Variants in CIMIP2C observed in about 807,000 individuals in gnomAD.
CIMIP2C encodes ciliary microtubule inner protein 2C.
chr2:26,564,869 G>A, the CIMIP2C span, among the ~76,000 whole-genome samples: 1 of 152,148 alleles, frequency 6.6e-6, no homozygotes, highest in Admixed American at 6.5e-5. Context: ...TGGTCACTGA[G>A]GTGTGGGGGG....
At chr2:26,574,114 G>T in the CIMIP2C span, among the ~76,000 whole-genome samples, 3 of 152,382 alleles carry the variant, frequency 2.0e-5, no homozygotes, top group South Asian at 4.1e-4. Flanking sequence ...GGTGAGAGTA[G>T]GGGACGGAGT....
At chr2:26,572,760 C>T in the CIMIP2C span, among the ~76,000 whole-genome samples, 1 of 152,188 alleles carries the variant, frequency 6.6e-6, no homozygotes, top group South Asian at 2.1e-4. Flanking sequence ...GTCCATCTAA[C>T]ACCTAAGGCT....
chr2:26,574,611 G>A, the CIMIP2C span, among the ~76,000 whole-genome samples: 11 of 152,252 alleles, frequency 7.2e-5, no homozygotes, highest in African/African-American at 2.7e-4. Flanking sequence ...TCTGCACACA[G>A]GAGGTGGCTA....
At chr2:26,565,310 C>A in the CIMIP2C span, among the ~76,000 whole-genome samples, 328 of 152,246 alleles carry the variant, frequency 2.2e-3, 2 homozygotes, top group African/African-American at 7.3e-3. Context: ...AGGCTGGTCT[C>A]GAACTCCTGA....
the CIMIP2C span, among the ~76,000 whole-genome samples, chr2:26,566,345 C>T: frequency 2.3e-3 from 345 of 152,314 alleles, 4 homozygotes; most frequent in African/African-American, 7.4e-3. Context: ...AAAATCAGTG[C>T]GTTCCACTCC....
the CIMIP2C span, among the ~76,000 whole-genome samples, chr2:26,565,382 C>T: frequency 3.9e-4 from 60 of 152,298 alleles, no homozygotes; most frequent in African/African-American, 1.3e-3. Context: ...TGAGCCACCA[C>T]GCCTGGCCTT....
the CIMIP2C span, chr2:26,562,644 C>A: frequency 6.3e-7 from 1 of 1,587,436 alleles, no homozygotes; most frequent in Non-Finnish European, 8.6e-7. Context: ...ACCCTACTGA[C>A]CGAGTTCAAT....
chr2:26,572,161 C>G, the CIMIP2C span: 1 of 1,534,630 alleles, frequency 6.5e-7, no homozygotes, highest in South Asian at 1.2e-5. Context: ...AGTAAGTGCA[C>G]CCCCATCTCC....
chr2:26,565,902 G>A, the CIMIP2C span, among the ~76,000 whole-genome samples: 1 of 152,206 alleles, frequency 6.6e-6, no homozygotes, highest in African/African-American at 2.4e-5. Context: ...CTGTTCCTGG[G>A]GACACAGCTC....
the CIMIP2C span, among the ~76,000 whole-genome samples, chr2:26,564,879 G>A: frequency 6.6e-6 from 1 of 152,162 alleles, no homozygotes; most frequent in Non-Finnish European, 1.5e-5. Flanking sequence ...GGTGTGGGGG[G>A]ACTTGCCTGA....
the CIMIP2C span, chr2:26,577,510 C>T: frequency 8.4e-5 from 136 of 1,612,296 alleles, 1 homozygote; most frequent in African/African-American, 1.6e-3. Flanking sequence ...CTTGATTGAA[C>T]CATAGATGGT....
the CIMIP2C span, chr2:26,577,483 C>T: frequency 6.3e-7 from 1 of 1,593,688 alleles, no homozygotes; most frequent in South Asian, 1.1e-5. Flanking sequence ...TGTGCACTAA[C>T]AACCTGTCAT....
chr2:26,574,983 C>T, the CIMIP2C span, among the ~76,000 whole-genome samples: 4 of 152,240 alleles, frequency 2.6e-5, no homozygotes, highest in East Asian at 1.9e-4. Flanking sequence ...GCATTGGCCG[C>T]GAGTCTGGCG....
the CIMIP2C span, among the ~76,000 whole-genome samples, chr2:26,568,692 T>C: frequency 6.6e-6 from 1 of 152,116 alleles, no homozygotes; most frequent in Admixed American, 6.5e-5. Context: ...CTATGATTAA[T>C]AAGAAAGAAT....
At chr2:26,577,336 G>A in the CIMIP2C span, among the ~76,000 whole-genome samples, 1 of 152,206 alleles carries the variant, frequency 6.6e-6, no homozygotes, top group African/African-American at 2.4e-5. Context: ...TCGTGACTCA[G>A]TGAGGACACC....
At chr2:26,567,395 C>T in the CIMIP2C span, among the ~76,000 whole-genome samples, 79 of 152,354 alleles carry the variant, frequency 5.2e-4, no homozygotes, top group African/African-American at 1.9e-3. Flanking sequence ...GCTTCACTTT[C>T]TGCCATCACT....
the CIMIP2C span, among the ~76,000 whole-genome samples, chr2:26,576,938 CT>C: frequency 6.6e-6 from 1 of 152,250 alleles, no homozygotes; most frequent in African/African-American, 2.4e-5. Context: ...CCATCACCTT[CT>C]CTCACAAGCC....
the CIMIP2C span, chr2:26,575,910 G>C: frequency 4.3e-6 from 7 of 1,612,758 alleles, no homozygotes; most frequent in Non-Finnish European, 5.9e-6. Flanking sequence ...AGGTACCAGG[G>C]CCACGTCCCC....
the CIMIP2C span, among the ~76,000 whole-genome samples, chr2:26,568,867 A>G: frequency 2.6e-5 from 4 of 152,086 alleles, no homozygotes; most frequent in Non-Finnish European, 5.9e-5. Context: ...CTAAATGTAC[A>G]AAAATTAGCT....
Sources: allele counts gnomAD v4.1 joint callset (sites outside exome capture counted in the v4.1 genomes callset), GRCh38; gene constraint gnomAD v4.1.1; transcripts MANE v1.5; gene names NCBI Gene and HGNC (gene_info 2026-07-23, HGNC 2026-07-21).